The following CACHD1 variants were observed in gnomAD, a reference collection of about 807,000 sequenced individuals.
The protein encoded by CACHD1 is cache domain containing 1, also known as VWFA and cache domain-containing protein 1.
In CACHD1, 71 loss-of-function variants were observed where a neutral mutation model predicts 138.7. The observed-to-expected ratio is 0.51, with a 90% CI of 0.42 to 0.62. The LOEUF is 0.62. Among genes scored for constraint, CACHD1 ranks in the 20% least tolerant of loss-of-function variants. CACHD1 has a pLI of 0.00. For missense variants in CACHD1, 1,389 were observed against 1,625.3 expected (o/e 0.85, Z 2.50); for synonymous variants, 578 against 591.5 (o/e 0.98, Z 0.33).
intron 2 of CACHD1, among the ~76,000 whole-genome samples, chr1:64,564,160 G>A (rs1341440260): frequency 6.6e-6 from 1 of 152,112 alleles, no homozygotes; most frequent in Non-Finnish European, 1.5e-5. Flanking sequence ...CCTCCGAAAG[G>A]AACTCAATTG....
At chr1:64,539,655 C>T (rs781470102) in intron 1 of CACHD1, among the ~76,000 whole-genome samples, 1 of 152,190 alleles carries the variant, frequency 6.6e-6, no homozygotes, top group Non-Finnish European at 1.5e-5. Flanking sequence ...ATGTAGGGTC[C>T]AAACGGGCAA....
Position 64,662,848 on chromosome 1 carries a change from G to A in CACHD1, c.1952-847G>A, listed in dbSNP as rs369094908. ...GCTTTTGTTTGTGTCAAGTTTTGCTGCCACCATCTGAGTGAATAATTTTTA... is the reference window on the plus strand; with the variant it reads ...GCTTTTGTTTGTGTCAAGTTTTGCTACCACCATCTGAGTGAATAATTTTTA... On this transcript the variant is annotated intron_variant, in intron 13 of 26. Transcript: ENST00000651257. 9.9e-5 allele frequency among the ~76,000 whole-genome samples: 15 copies of A among 152,262 alleles called. 1 individual carries two copies. Among genetic ancestry groups the A allele is most frequent in the Admixed American group, 5.2e-4 (8 of 15,292 alleles).
Position 64,634,243 on chromosome 1 carries a change from A to G in CACHD1, c.989A>G (p.Asn330Ser), listed in dbSNP as rs374615198. ...AFQLIRSTNN[N>S]TKFQANTDMV... ...CAGCTGATTCGAAGTACAAACAATA[A>G]CACAAAGTTCCAAGCAAGTGAGTGC... Residue 330 changes from asparagine (N) to serine (S), a missense_variant, in exon 7 of 27, where the codon AAC becomes AGC. Asn to Ser is a conservative substitution (Grantham distance 46). Around this residue, in one of 5 missense-constraint regions of CACHD1, gnomAD observed 1,000 missense variants for 1,114.7 expected, o/e 0.90. Transcript: ENST00000651257. 2.1e-5 allele frequency: 34 copies of G among 1,613,868 alleles called. No individual in the cohort carries two copies. The highest frequency in any genetic ancestry group is 2.8e-5 in the Non-Finnish European group (33 of 1,179,972).
chr1:64,685,219 T>C (rs1471891961), intron 26 of CACHD1, among the ~76,000 whole-genome samples: 1 of 152,180 alleles, frequency 6.6e-6, no homozygotes, highest in East Asian at 1.9e-4. Flanking sequence ...TACAATTGTG[T>C]TTTAGTTGCC....
In CACHD1 at chr1:64,641,857, T is replaced by G. The variant is rs201144075; in HGVS notation, c.1044T>G (p.Ile348Met). The change falls in exon 8 of 27, where the codon ATT becomes ATG. Residue 348 changes from isoleucine (I) to methionine (M), a missense_variant. Physicochemically the swap from Ile to Met is conservative, Grantham distance 10. Around this residue, in one of 5 missense-constraint regions of CACHD1, gnomAD observed 1,000 missense variants for 1,114.7 expected, o/e 0.90. Transcript: ENST00000651257. ...DMVIIYLSAG[I>M]TSKDSSEEDK... ...TCATCATTTACCTGTCAGCTGGCATTACATCAAAGGACTCTTCGGAAGAAG... is the reference window on the plus strand; with the variant it reads ...TCATCATTTACCTGTCAGCTGGCATGACATCAAAGGACTCTTCGGAAGAAG... 1 of 1,479,644 alleles carries G rather than the reference T, an allele frequency of 6.8e-7. No homozygotes were observed. Among genetic ancestry groups the G allele is most frequent in the Non-Finnish European group, 9.1e-7 (1 of 1,099,630 alleles). The allele number at this position is 1,479,644 out of a possible 1,614,324, so 91.7% of individuals were successfully genotyped here. A position where few individuals can be genotyped will look rare whatever the true frequency, so the allele number is the denominator to read the frequency against.
intron 4 of CACHD1, among the ~76,000 whole-genome samples, chr1:64,608,009 A>G (rs1332231495): frequency 6.6e-6 from 1 of 152,196 alleles, no homozygotes; most frequent in Admixed American, 6.5e-5. Context: ...TTGAAAATTC[A>G]GAGGGTGGGG....
rs370293360 is a variant in CACHD1 at position 64,676,925 on chromosome 1, G to A, written c.3006G>A (p.Pro1002=). Residue 1002 remains proline, a synonymous_variant, in exon 22 of 27, where the codon CCG becomes CCA. Coordinates refer to ENST00000651257, the MANE Select transcript of CACHD1 (RefSeq NM_020925.4). ...RNPSCEVHQE[P]VTYTAIDPGL... is the part of the protein sequence containing the mutation. ...CCAGCTGCGAGGTCCACCAGGAGCCGGTGACATACACAGCTATTGACCCTG... is the reference window on the plus strand; with the variant it reads ...CCAGCTGCGAGGTCCACCAGGAGCCAGTGACATACACAGCTATTGACCCTG... 2.2e-5 allele frequency: 36 copies of A among 1,613,646 alleles called. No individual in the cohort carries two copies. Among genetic ancestry groups the A allele is most frequent in the Middle Eastern group, 1.6e-4 (1 of 6,072 alleles).
At chr1:64,615,223 A>C (rs952709276) in intron 4 of CACHD1, among the ~76,000 whole-genome samples, 2 of 152,198 alleles carry the variant, frequency 1.3e-5, no homozygotes, top group African/African-American at 4.8e-5. Context: ...CTTCTAGATA[A>C]GAATTTCTTG....
At position 64,681,541 on chromosome 1, in the gene CACHD1, G is replaced by GGTTTTTTTTTTTTTTTTTTTTTTTTTTT. The variant is rs1553146851; in HGVS notation, c.3484+206_3484+207insGTTTTTTTTTTTTTTTTTTTTTTTTTTT. On this transcript the variant is annotated intron_variant, in intron 25 of 26. Transcript: ENST00000651257. ...AGAGAATCTCAAAAGATTTTATTGT[G>GGTTTTTTTTTTTTTTTTTTTTTTTTTTT]TTTTTTTTTTTTTTTTTTTTTTTGC... is the stretch of plus-strand genomic sequence containing the variant. Among the ~76,000 whole-genome samples, 8 of 68,148 alleles carry GGTTTTTTTTTTTTTTTTTTTTTTTTTTT rather than the reference G, an allele frequency of 1.2e-4. 2 individuals are homozygous for GGTTTTTTTTTTTTTTTTTTTTTTTTTTT. Among genetic ancestry groups the GGTTTTTTTTTTTTTTTTTTTTTTTTTTT allele is most frequent in the African/African-American group, 5.9e-4 (8 of 13,660 alleles). The allele number at this position is 68,148 out of a possible 152,430, so 44.7% of individuals were successfully genotyped here.
chr1:64,498,058 C>T (rs574801704), intron 1 of CACHD1, among the ~76,000 whole-genome samples: 29 of 152,246 alleles, frequency 1.9e-4, no homozygotes, highest in African/African-American at 6.7e-4. Context: ...ACCCAGGAGG[C>T]GGAGGTTGCA....
chr1:64,547,256 C>T (rs1646725008), intron 1 of CACHD1, among the ~76,000 whole-genome samples: 1 of 152,170 alleles, frequency 6.6e-6, no homozygotes, highest in South Asian at 2.1e-4. Flanking sequence ...CTTAGCAGGT[C>T]CTGCATTTTA....
intron 26 of CACHD1, among the ~76,000 whole-genome samples, chr1:64,686,462 A>G (rs1014464945): frequency 1.3e-5 from 2 of 152,228 alleles, no homozygotes; most frequent in African/African-American, 4.8e-5. Flanking sequence ...AACTACTCCA[A>G]TTGAGAATGT....
At position 64,491,261 on chromosome 1, in the gene CACHD1, T is replaced by TC. The variant is rs532905270; in HGVS notation, c.198+20319_198+20320insC. On this transcript the variant is annotated intron_variant, in intron 1 of 26. Transcript: ENST00000651257. ...GGACTGCTTCCTCTCTCTCTCTCTC[T>TC]TTTTTTTTTTTTAAAGAAATGATCT... is the stretch of plus-strand genomic sequence containing the variant. 2.9e-3 allele frequency among the ~76,000 whole-genome samples: 340 copies of TC among 115,628 alleles called. 3 individuals carry two copies. The highest frequency in any genetic ancestry group is 0.016 in the African/African-American group (297 of 18,010). The allele number at this position is 115,628 out of a possible 152,430, so 75.9% of individuals were successfully genotyped here.
At chr1:64,560,207 CTT>C (rs1261804024) in intron 2 of CACHD1, among the ~76,000 whole-genome samples, 21 of 152,144 alleles carry the variant, frequency 1.4e-4, no homozygotes, top group African/African-American at 5.1e-4. Flanking sequence ...TTAATTTTCT[CTT>C]GTTTTCTATT....
rs750943019 is a variant in CACHD1, at chr1:64,681,204, G to C, written c.3407-54G>C. 8 of 1,337,710 alleles carry C rather than the reference G, an allele frequency of 6.0e-6. No individual in the cohort carries two copies. The African/African-American group carries it at 1.2e-4, about 19-fold the overall frequency. The allele number at this position is 1,337,710 out of a possible 1,614,324, so 82.9% of individuals were successfully genotyped here. ...CAAGTGCTCAGCAGGGTATTAAAGCGGGTGATTTTGTTTGATTAAATAGTC... is the reference window on the plus strand; with the variant it reads ...CAAGTGCTCAGCAGGGTATTAAAGCCGGTGATTTTGTTTGATTAAATAGTC... On this transcript the variant is annotated intron_variant, in intron 24 of 26. Transcript: ENST00000651257.
chr1:64,604,178 G>C (rs1454448644), intron 4 of CACHD1, among the ~76,000 whole-genome samples: 6 of 152,142 alleles, frequency 3.9e-5, no homozygotes, highest in Non-Finnish European at 8.8e-5. Flanking sequence ...TATTAGGTCT[G>C]AAAAGAATAA....
At chr1:64,485,829 C>T (rs1646238693) in intron 1 of CACHD1, among the ~76,000 whole-genome samples, 1 of 152,154 alleles carries the variant, frequency 6.6e-6, no homozygotes, top group African/African-American at 2.4e-5. Flanking sequence ...TACTATTAAA[C>T]ATTCAGGGTT....
chr1:64,642,054 C>T (rs1648735640), intron 8 of CACHD1, 85 bp downstream of exon 8: 1 of 1,261,898 alleles, frequency 7.9e-7, no homozygotes, highest in South Asian at 1.9e-5. Flanking sequence ...AGAATCATAA[C>T]AGTGTGCTTG....
At chr1:64,540,461 G>C (rs573419600) in intron 1 of CACHD1, among the ~76,000 whole-genome samples, 1 of 152,102 alleles carries the variant, frequency 6.6e-6, no homozygotes, top group African/African-American at 2.4e-5. Flanking sequence ...TTTTAGTCAA[G>C]TTATATTGGC....
Sources: allele counts gnomAD v4.1 joint callset (sites outside exome capture counted in the v4.1 genomes callset), GRCh38; gene constraint gnomAD v4.1.1; regional missense constraint gnomAD v4.1.1; transcripts MANE v1.5; gene names NCBI Gene and HGNC (gene_info 2026-07-23, HGNC 2026-07-21).